Variants in MAN2A1 observed in about 807,000 individuals in gnomAD.
The protein encoded by MAN2A1 is mannosidase alpha class 2A member 1, also known as alpha-mannosidase 2.
In MAN2A1, 76 loss-of-function variants were observed where a neutral mutation model predicts 142.6. The ratio of observed to expected loss-of-function variants is 0.53; its 90% CI spans 0.44 to 0.65. The LOEUF is 0.65. Among genes scored for constraint, MAN2A1 ranks in the 30% least tolerant of loss-of-function variants. The probability of loss-of-function intolerance (pLI) is 0.00; values close to 1 mark genes in which losing one functional copy is unlikely to be tolerated. For synonymous variants in MAN2A1, 559 were observed against 473.2 expected, an observed-to-expected ratio of 1.18 and a Z score of -2.35; for missense variants, 1,311 against 1,365.1, an observed-to-expected ratio of 0.96 and a Z score of 0.62.
At position 109,770,380 on chromosome 5, in the gene MAN2A1, A is replaced by G. The variant is rs778720860; in HGVS notation, c.1035A>G (p.Leu345=). Reference sequence around the variant, plus strand: ...ATCTGGGATCTGTCACAGATATTTTATGCCACATGATGCCCTTCTACAGCT... The same window carrying G: ...ATCTGGGATCTGTCACAGATATTTTGTGCCACATGATGCCCTTCTACAGCT... ...NWDLGSVTDI[L]CHMMPFYSYD... is the part of the protein sequence containing the mutation. Residue 345 remains leucine (L), a synonymous_variant, in exon 7 of 22, where the codon TTA becomes TTG. Transcript: ENST00000261483. 3.1e-6 allele frequency: 5 copies of G among 1,613,746 alleles called. No homozygotes were observed. The highest frequency in any genetic ancestry group is 3.3e-5 in the Admixed American group (2 of 59,972).
chr5:109,832,710 G>A (rs915484394), intron 16 of MAN2A1, among the ~76,000 whole-genome samples: 5 of 152,222 alleles, frequency 3.3e-5, no homozygotes, highest in South Asian at 2.1e-4. Flanking sequence ...ACAGGGTGGC[G>A]GCCGGGCAGA....
chr5:109,727,214 C>T (rs1177537446), intron 3 of MAN2A1, among the ~76,000 whole-genome samples: 1 of 152,118 alleles, frequency 6.6e-6, no homozygotes, highest in South Asian at 2.1e-4. Context: ...GCTTAAACAA[C>T]AGAAATTTGT....
At chr5:109,854,043 G>A (rs1348489232) in intron 19 of MAN2A1, 1 of 152,090 alleles carries the variant, frequency 6.6e-6, no homozygotes, top group Admixed American at 6.6e-5. Context: ...TGAATTTTAA[G>A]CTGTATATCT....
At position 109,817,430 on chromosome 5, in the gene MAN2A1, GCCTAT is replaced by G; in HGVS notation, c.2102_2106del (p.Ala701GlyfsTer17). 1 of 1,613,866 alleles carries G rather than the reference GCCTAT, an allele frequency of 6.2e-7. No homozygotes were observed. The highest frequency in any genetic ancestry group is 8.5e-7 in the Non-Finnish European group (1 of 1,179,888). On this transcript the variant is annotated frameshift_variant, in exon 13 of 22. Coordinates refer to ENST00000261483, the MANE Select transcript of MAN2A1 (RefSeq NM_002372.4). LOFTEE classifies it high-confidence loss of function. ...TACAGCAAATACTATTTCAGAAACA[GCCTAT>G]GAGGTATGTTGTAGCCATAGAACTT...
chr5:109,766,423 A>G (rs1353589116), intron 5 of MAN2A1, among the ~76,000 whole-genome samples: 1 of 152,170 alleles, frequency 6.6e-6, no homozygotes, highest in Non-Finnish European at 1.5e-5. Flanking sequence ...TAGTTTTGAC[A>G]TATGCTCTTT....
In MAN2A1 at chr5:109,823,744, C is replaced by A; in HGVS notation, c.2473C>A (p.Pro825Thr). The stretch of plus-strand genomic sequence containing the variant: ...TCAGCCTTATGTTTACACAACACCG[C>A]CCTTTGTCAGAGTGACACATGGAAG... ...NAKPYVYTTP[P>T]FVRVTHGRIY... The change falls in exon 16 of 22, where the codon CCC becomes ACC. Residue 825 changes from proline (P) to threonine (T), a missense_variant. Physicochemically the swap from Pro to Thr is conservative, Grantham distance 38 (BLOSUM62 -1). Transcript: ENST00000261483. 1 of 1,603,816 alleles carries A rather than the reference C, an allele frequency of 6.2e-7. No homozygotes were observed. The highest frequency in any genetic ancestry group is 8.5e-7 in the Non-Finnish European group (1 of 1,173,508).
chr5:109,731,150 A>ATATAATCAG (rs1751894218), intron 4 of MAN2A1, among the ~76,000 whole-genome samples: 1 of 152,184 alleles, frequency 6.6e-6, no homozygotes, highest in African/African-American at 2.4e-5. Context: ...AGCATATAAT[A>ATATAATCAG]TATAATCAGA....
At chr5:109,802,772 A>C (rs1340116488) in intron 12 of MAN2A1, among the ~76,000 whole-genome samples, 6 of 151,928 alleles carry the variant, frequency 3.9e-5, no homozygotes. Flanking sequence ...GCGAGAATTC[A>C]TTCCTTGACT....
chr5:109,709,570 T>C (rs1160172009), intron 1 of MAN2A1, among the ~76,000 whole-genome samples: 7 of 152,200 alleles, frequency 4.6e-5, no homozygotes, highest in Non-Finnish European at 1.0e-4. Flanking sequence ...GGCAAATAAT[T>C]ATGTAATAAA....
intron 4 of MAN2A1, among the ~76,000 whole-genome samples, chr5:109,735,519 C>T (rs574573534): frequency 1.5e-3 from 224 of 152,204 alleles, no homozygotes; most frequent in Middle Eastern, 3.4e-3. Context: ...ACCGGTTGTT[C>T]CTTTCCATGT....
chr5:109,837,567 T>G (rs1236327062), intron 16 of MAN2A1, among the ~76,000 whole-genome samples: 1 of 152,120 alleles, frequency 6.6e-6, no homozygotes, highest in Non-Finnish European at 1.5e-5. Context: ...CTTCCTCAGC[T>G]TAGGGTCAGG....
In MAN2A1 at chr5:109,868,177, T is replaced by C. The variant is rs116718570; in HGVS notation, c.*1179T>C. ...GTTTCCATTTCACAGTAGTTAACTA[T>C]ATTAAAGAGAGAATGCTTTAAAATT... On this transcript the variant is annotated 3_prime_UTR_variant, in exon 22 of 22. Coordinates refer to ENST00000261483, the MANE Select transcript of MAN2A1 (RefSeq NM_002372.4). 218 of 152,348 alleles carry C rather than the reference T, an allele frequency of 1.4e-3. No individual in the cohort carries two copies. Among genetic ancestry groups the C allele is most frequent in the African/African-American group, 5.2e-3 (215 of 41,586 alleles). 9.4% of individuals were successfully genotyped at this position (152,348 alleles called of 1,614,324 possible).
rs536049657 is a variant in MAN2A1 at position 109,712,209 on chromosome 5, T to A, written c.136-1311T>A. On this transcript the variant is annotated intron_variant, in intron 1 of 21. Transcript: ENST00000261483. ...TCTTGGTAGATCTCAGTCTCTTAAC[T>A]TCTCCCTTTCCCCTTGTTGAACTGA... Among the ~76,000 whole-genome samples the A allele has an allele frequency of 6.1e-4, 93 of 152,194 alleles. 2 individuals are homozygous for A. The South Asian group carries it at 0.019, about 31-fold the overall frequency.
intron 1 of MAN2A1, among the ~76,000 whole-genome samples, chr5:109,698,805 A>C (rs1750888607): frequency 1.3e-5 from 2 of 152,178 alleles, no homozygotes; most frequent in Admixed American, 1.3e-4. Context: ...ATAAATGCAC[A>C]TAGAAATAAT....
At chr5:109,712,658 C>G (rs942020333) in intron 1 of MAN2A1, among the ~76,000 whole-genome samples, 2 of 152,042 alleles carry the variant, frequency 1.3e-5, no homozygotes, top group Non-Finnish European at 2.9e-5. Flanking sequence ...GTTATAACAT[C>G]ACCTTGTGTG....
chr5:109,839,522 A>C (rs1755144350), intron 16 of MAN2A1, among the ~76,000 whole-genome samples: 1 of 151,596 alleles, frequency 6.6e-6, no homozygotes, highest in African/African-American at 2.4e-5. Context: ...AAAAAAAAAA[A>C]AGGCATTAGC....
chr5:109,801,356 C>T (rs1754026868), intron 12 of MAN2A1, among the ~76,000 whole-genome samples: 1 of 152,170 alleles, frequency 6.6e-6, no homozygotes, highest in South Asian at 2.1e-4. Context: ...AAACTGGGGA[C>T]TCAGTAACTT....
At chr5:109,846,887 C>G (rs1486542073) in intron 18 of MAN2A1, among the ~76,000 whole-genome samples, 1 of 152,092 alleles carries the variant, frequency 6.6e-6, no homozygotes, top group Non-Finnish European at 1.5e-5. Flanking sequence ...AGTAATGGTT[C>G]CACATCAGGG....
intron 1 of MAN2A1, among the ~76,000 whole-genome samples, chr5:109,710,101 T>G (rs1452608016): frequency 1.3e-5 from 2 of 152,210 alleles, no homozygotes; most frequent in African/African-American, 2.4e-5. Context: ...ATGATGTTCT[T>G]TAGACCATTG....
Sources: gnomAD v4.1 joint callset for allele counts (sites outside exome capture counted in the v4.1 genomes callset) on GRCh38, gnomAD v4.1.1 for gene constraint, MANE v1.5 for transcripts, NCBI Gene and HGNC (gene_info 2026-07-23, HGNC 2026-07-21) for gene names.